Variants in PKIG observed in about 807,000 individuals in gnomAD.
PKIG encodes the protein protein kinase (cAMP-dependent, catalytic) inhibitor gamma.
Under a neutral mutation model 6.8 loss-of-function variants are expected in PKIG, and 1 was observed. That is an observed-to-expected ratio of 0.15 (90% CI 0.05 to 0.69). The LOEUF (loss-of-function observed/expected upper bound fraction) is 0.69, where lower values mean the gene tolerates loss of function less well. Ranked by LOEUF, PKIG falls within the 30% of genes least tolerant of loss-of-function variation. The pLI, the probability that PKIG is intolerant of heterozygous loss-of-function variation, is 0.82. For missense variants in PKIG, 77 were observed against 104.0 expected, an observed-to-expected ratio of 0.74 and a Z score of 1.13; for synonymous variants, 39 against 43.0, an observed-to-expected ratio of 0.91 and a Z score of 0.36.
chr20:44,556,100 A>G (rs927268743), intron 1 of PKIG, among the ~76,000 whole-genome samples: 7 of 152,176 alleles, frequency 4.6e-5, no homozygotes, highest in African/African-American at 1.7e-4. Context: ...TGGCCTCCCA[A>G]AGTGCTGGGA....
At chr20:44,588,369 C>T (rs1251198131) in intron 1 of PKIG, among the ~76,000 whole-genome samples, 2 of 152,140 alleles carry the variant, frequency 1.3e-5, no homozygotes, top group Non-Finnish European at 2.9e-5. Flanking sequence ...GGGCTGGGCG[C>T]GGTGGCTCAT....
intron 2 of PKIG, among the ~76,000 whole-genome samples, chr20:44,600,583 T>C (rs1438746692): frequency 1.3e-5 from 2 of 151,932 alleles, no homozygotes; most frequent in African/African-American, 2.4e-5. Flanking sequence ...CTGTTGCTCA[T>C]GCCTGTAATC....
At chr20:44,567,504 T>C (rs2064820230) in intron 1 of PKIG, among the ~76,000 whole-genome samples, 1 of 152,242 alleles carries the variant, frequency 6.6e-6, no homozygotes, top group Non-Finnish European at 1.5e-5. Flanking sequence ...CTTTGCTCCT[T>C]TCCTTCTCCT....
chr20:44,549,661 C>A (rs576002557), intron 1 of PKIG, among the ~76,000 whole-genome samples: 1 of 151,998 alleles, frequency 6.6e-6, no homozygotes, highest in Non-Finnish European at 1.5e-5. Flanking sequence ...CCCATCTCTA[C>A]GAAAAATGGA....
intron 2 of PKIG, among the ~76,000 whole-genome samples, chr20:44,611,654 C>G (rs1420498622): frequency 6.6e-6 from 1 of 151,708 alleles, no homozygotes; most frequent in African/African-American, 2.4e-5. Flanking sequence ...GTAGCTGGGA[C>G]TACAGGCGCC....
chr20:44,551,753 G>A (rs2064670771), intron 1 of PKIG, among the ~76,000 whole-genome samples: 1 of 152,168 alleles, frequency 6.6e-6, no homozygotes, highest in South Asian at 2.1e-4. Flanking sequence ...AAAATAAAAT[G>A]TGCTGTCACA....
intron 1 of PKIG, among the ~76,000 whole-genome samples, chr20:44,561,926 CA>C (rs1323083561): frequency 6.6e-6 from 1 of 152,178 alleles, no homozygotes; most frequent in Non-Finnish European, 1.5e-5. Context: ...AAAAACTGAG[CA>C]AGCATCCATC....
At chr20:44,584,145 G>A (rs2064970237) in intron 1 of PKIG, among the ~76,000 whole-genome samples, 1 of 152,098 alleles carries the variant, frequency 6.6e-6, no homozygotes, top group South Asian at 2.1e-4. Flanking sequence ...CCCATTGACT[G>A]AGGACAACCA....
intron 2 of PKIG, among the ~76,000 whole-genome samples, chr20:44,591,313 C>G (rs1216624676): frequency 6.6e-6 from 1 of 152,080 alleles, no homozygotes; most frequent in Non-Finnish European, 1.5e-5. Context: ...CTGGAGGTGT[C>G]CATGAATGAA....
At chr20:44,547,465 G>T (rs2064625622) in intron 1 of PKIG, among the ~76,000 whole-genome samples, 2 of 152,130 alleles carry the variant, frequency 1.3e-5, no homozygotes, top group African/African-American at 2.4e-5. Flanking sequence ...TGGTGAGCAG[G>T]GTAGAGAAAG....
intron 2 of PKIG, among the ~76,000 whole-genome samples, chr20:44,592,807 C>G (rs2065043842): frequency 1.3e-5 from 2 of 152,198 alleles, no homozygotes; most frequent in South Asian, 4.1e-4. Flanking sequence ...AGAGTTAAGG[C>G]TGTGTCCATA....
At chr20:44,550,942 A>G (rs1046203308) in intron 1 of PKIG, among the ~76,000 whole-genome samples, 4 of 152,150 alleles carry the variant, frequency 2.6e-5, no homozygotes, top group Non-Finnish European at 5.9e-5. Context: ...AGCCCAAACA[A>G]TTGTTAACAT....
chr20:44,545,871 C>T (rs2064609276), intron 1 of PKIG, among the ~76,000 whole-genome samples: 1 of 152,162 alleles, frequency 6.6e-6, no homozygotes. Context: ...TCACAAGTAT[C>T]ATTCCAGTAA....
chr20:44,590,408 A>G (rs2065024958), intron 2 of PKIG, among the ~76,000 whole-genome samples: 1 of 152,254 alleles, frequency 6.6e-6, no homozygotes, highest in South Asian at 2.1e-4. Context: ...ACAAATTGCC[A>G]TTCAAAGAGC....
chr20:44,575,123 C>T (rs2064885561), intron 1 of PKIG, among the ~76,000 whole-genome samples: 1 of 152,164 alleles, frequency 6.6e-6, no homozygotes, highest in Non-Finnish European at 1.5e-5. Context: ...ACCATCTCAG[C>T]TCACTGCAAC....
At chr20:44,586,638 A>G (rs1218917321) in intron 1 of PKIG, among the ~76,000 whole-genome samples, 1 of 152,190 alleles carries the variant, frequency 6.6e-6, no homozygotes, top group African/African-American at 2.4e-5. Context: ...AACTCTGCCA[A>G]ATGCTTTCAC....
chr20:44,532,131 C>A (rs1169821011), intron 1 of PKIG, among the ~76,000 whole-genome samples: 1 of 152,188 alleles, frequency 6.6e-6, no homozygotes, highest in Non-Finnish European at 1.5e-5. Context: ...ACGGCGCCCC[C>A]GACGCCCTTT....
upstream of PKIG, among the ~76,000 whole-genome samples, chr20:44,579,868 C>A (rs570835882): frequency 6.6e-5 from 10 of 152,260 alleles, no homozygotes; most frequent in East Asian, 1.9e-3. Flanking sequence ...CTTCAAGAGC[C>A]CAGCCTCATT....
intron 2 of PKIG, among the ~76,000 whole-genome samples, chr20:44,594,435 C>T (rs2065058817): frequency 6.6e-6 from 1 of 152,212 alleles, no homozygotes; most frequent in Admixed American, 6.5e-5. Context: ...TCCTTCATTC[C>T]TTACCTTTTC....
Sources: gnomAD v4.1 joint callset for allele counts (sites outside exome capture counted in the v4.1 genomes callset) on GRCh38, gnomAD v4.1.1 for gene constraint, MANE v1.5 for transcripts, NCBI Gene and HGNC (gene_info 2026-07-23, HGNC 2026-07-21) for gene names.